The following SHISAL1 variants were observed in gnomAD, a reference collection of about 807,000 sequenced individuals.
SHISAL1 encodes protein shisa-like-1.
Under a neutral mutation model 22.6 loss-of-function variants are expected in SHISAL1, and 9 were observed. The observed-to-expected ratio is 0.40, with a 90% confidence interval of 0.24 to 0.70. The LOEUF (loss-of-function observed/expected upper bound fraction) is 0.70. Ranked by LOEUF, SHISAL1 falls within the 30% of genes least tolerant of loss-of-function variation. The probability of loss-of-function intolerance (pLI) is 0.39; values close to 1 mark genes in which losing one functional copy is unlikely to be tolerated. For synonymous variants in SHISAL1, 119 were observed against 115.4 expected, an observed-to-expected ratio of 1.03 and a Z score of -0.20; for missense variants, 246 against 270.6, an observed-to-expected ratio of 0.91 and a Z score of 0.64.
At chr22:44,317,254 G>C (rs1370142876), upstream of SHISAL1, among the ~76,000 whole-genome samples, 1 of 152,180 alleles carries the variant, frequency 6.6e-6, no homozygotes, top group East Asian at 1.9e-4. Flanking sequence ...GGAAGGACGT[G>C]CCTCTCGAAT....
chr22:44,288,420 A>G (rs1414205559), intron 3 of SHISAL1, among the ~76,000 whole-genome samples: 1 of 152,098 alleles, frequency 6.6e-6, no homozygotes, highest in Non-Finnish European at 1.5e-5. Context: ...GTGGATCACA[A>G]GGTCAGGAGA....
upstream of SHISAL1, among the ~76,000 whole-genome samples, chr22:44,313,161 A>G (rs1016221601): frequency 2.0e-5 from 3 of 152,092 alleles, no homozygotes; most frequent in African/African-American, 7.2e-5. Flanking sequence ...AACTAGAGAC[A>G]CTCCCTGTGA....
Position 44,258,933 on chromosome 22 carries a change from C to G in SHISAL1, c.*-9248G>C, listed in dbSNP as rs1412332667. Among the ~76,000 whole-genome samples, 4 of 152,252 alleles carry G rather than the reference C, an allele frequency of 2.6e-5. No homozygotes were observed. The East Asian group carries it at 7.7e-4, about 29-fold the overall frequency. On this transcript the variant is annotated intron_variant, in intron 4 of 4. Transcript: ENST00000381176. The stretch of plus-strand genomic sequence containing the variant: ...GGGGCAGGTACAGTAAGGGGCCCAT[C>G]ACAGCCACTGATGTGGGAGCTATGG...
chr22:44,321,450 G>A, the SHISAL1 span, among the ~76,000 whole-genome samples: 1 of 152,128 alleles, frequency 6.6e-6, no homozygotes, highest in Non-Finnish European at 1.5e-5. Context: ...TCCTCTGGGA[G>A]GGTCCCCTTG....
intron 4 of SHISAL1, among the ~76,000 whole-genome samples, chr22:44,274,623 G>C (rs2147282849): frequency 6.6e-6 from 1 of 152,318 alleles, no homozygotes; most frequent in East Asian, 1.9e-4. Context: ...GGACAACTGG[G>C]TGGCCGCTGA....
At chr22:44,322,492 G>A in the SHISAL1 span, among the ~76,000 whole-genome samples, 1 of 152,206 alleles carries the variant, frequency 6.6e-6, no homozygotes. Flanking sequence ...TCTGCTCCCT[G>A]TCACCCACTG....
the SHISAL1 span, among the ~76,000 whole-genome samples, chr22:44,326,075 G>A: frequency 6.6e-6 from 1 of 151,926 alleles, no homozygotes; most frequent in Non-Finnish European, 1.5e-5. Context: ...CTCCAGAAAT[G>A]TGGAATGAAT....
At chr22:44,263,360 T>C (rs566636917) in intron 4 of SHISAL1, among the ~76,000 whole-genome samples, 7 of 152,254 alleles carry the variant, frequency 4.6e-5, no homozygotes, top group South Asian at 4.1e-4. Flanking sequence ...CGTGAGCCAC[T>C]GCACCCGGCC....
At chr22:44,267,966 T>C (rs1436559503) in intron 4 of SHISAL1, among the ~76,000 whole-genome samples, 1 of 152,210 alleles carries the variant, frequency 6.6e-6, no homozygotes, top group East Asian at 1.9e-4. Flanking sequence ...TGGGAGCCTC[T>C]GCAGAGACAC....
At position 44,269,257 on chromosome 22, in the gene SHISAL1, G is replaced by A. The variant is rs145511778; in HGVS notation, c.599+16171C>T. ...AGACCCTCACAATATATACACACAC[G>A]CCACACAGACACCCACAACACACAT... is the stretch of plus-strand genomic sequence containing the variant. On this transcript the variant is annotated intron_variant, in intron 4 of 4. Transcript: ENST00000381176. Among the ~76,000 whole-genome samples, 11 of 140,700 alleles carry A rather than the reference G, an allele frequency of 7.8e-5. No individual in the cohort carries two copies. In the South Asian group the frequency reaches 1.6e-3, roughly 21 times the overall value. 92.3% of individuals were successfully genotyped at this position (140,700 alleles called of 152,430 possible).
chr22:44,249,877 A>G (rs959403068), intron 4 of SHISAL1, among the ~76,000 whole-genome samples, 192 bp from the exon 5 acceptor site: 3 of 152,230 alleles, frequency 2.0e-5, no homozygotes, highest in Non-Finnish European at 2.9e-5. Context: ...AGCTCCATAT[A>G]GTACTAGAGC....
At chr22:44,293,534 G>A (rs1051584014) in intron 3 of SHISAL1, among the ~76,000 whole-genome samples, 12 of 152,142 alleles carry the variant, frequency 7.9e-5, no homozygotes, top group African/African-American at 2.7e-4. Context: ...AGTGGTGCTG[G>A]GGTGGGATCT....
intron 2 of SHISAL1, among the ~76,000 whole-genome samples, chr22:44,299,318 C>G (rs775807671): frequency 6.6e-6 from 1 of 152,220 alleles, no homozygotes; most frequent in East Asian, 1.9e-4. Context: ...CACAGCTCCA[C>G]GTAACTCCTG....
At chr22:44,308,561 C>T (rs2055495335) in intron 1 of SHISAL1, among the ~76,000 whole-genome samples, 1 of 152,208 alleles carries the variant, frequency 6.6e-6, no homozygotes. Flanking sequence ...CAGGGCAGTT[C>T]TTCCCCCGTG....
the SHISAL1 span, among the ~76,000 whole-genome samples, chr22:44,327,131 G>C: frequency 6.6e-6 from 1 of 152,020 alleles, no homozygotes; most frequent in African/African-American, 2.4e-5. Context: ...GCAGTTCCTG[G>C]GGCCTCTCCC....
chr22:44,323,521 A>C, the SHISAL1 span, among the ~76,000 whole-genome samples: 1 of 95,838 alleles, frequency 1.0e-5, no homozygotes, highest in African/African-American at 4.3e-5. Flanking sequence ...CCATCCATCC[A>C]TCTACCCACC....
At chr22:44,298,648 G>T (rs1456096480) in intron 2 of SHISAL1, among the ~76,000 whole-genome samples, 1 of 152,250 alleles carries the variant, frequency 6.6e-6, no homozygotes, top group African/African-American at 2.4e-5. Context: ...CCTGGGACCA[G>T]CCCGTGAGGC....
chr22:44,328,755 C>T, the SHISAL1 span, among the ~76,000 whole-genome samples: 5 of 152,076 alleles, frequency 3.3e-5, no homozygotes, highest in Non-Finnish European at 7.4e-5. Context: ...GTCTAAGCTC[C>T]GAACCTGGCC....
rs200707746 is a variant in SHISAL1, at chr22:44,301,704, A to G, written c.-32-727T>C. On this transcript the variant is annotated intron_variant, in intron 1 of 4. Coordinates refer to ENST00000381176, the MANE Select transcript of SHISAL1 (RefSeq NM_001099294.2). ...ATCAACAAAAGGTGGCCCGTCACAC[A>G]ATGCACATTACTCTCCCAAAACAGG... Among the ~76,000 whole-genome samples, 9 of 152,260 alleles carry G rather than the reference A, an allele frequency of 5.9e-5. No individual in the cohort carries two copies. The East Asian group carries it at 1.5e-3, about 26-fold the overall frequency.
Sources: gnomAD v4.1 joint callset for allele counts (sites outside exome capture counted in the v4.1 genomes callset) on GRCh38, gnomAD v4.1.1 for gene constraint, MANE v1.5 for transcripts, NCBI Gene and HGNC (gene_info 2026-07-23, HGNC 2026-07-21) for gene names.